The following NLK variants were observed in gnomAD, a reference collection of about 807,000 sequenced individuals.
The protein encoded by NLK is serine/threonine-protein kinase NLK.
A neutral mutation model predicts 59.0 loss-of-function variants in NLK; 11 were observed. The ratio of observed to expected loss-of-function variants is 0.19; its 90% CI spans 0.12 to 0.31. The LOEUF (loss-of-function observed/expected upper bound fraction) is 0.31, where lower values mean the gene tolerates loss of function less well. NLK is among the 10% of genes least tolerant of loss of function. The pLI, the probability that NLK is intolerant of heterozygous loss-of-function variation, is 1.00. For synonymous variants in NLK, 235 were observed against 235.9 expected, an observed-to-expected ratio of 1.00 and a Z score of 0.03; for missense variants, 410 against 661.1, an observed-to-expected ratio of 0.62 and a Z score of 4.16.
chr17:28,080,077 G>T (rs189709347), intron 1 of NLK, among the ~76,000 whole-genome samples: 1 of 152,012 alleles, frequency 6.6e-6, no homozygotes, highest in Admixed American at 6.6e-5. Flanking sequence ...GCAGGTCAGC[G>T]ACTTCAGATC....
Position 28,136,345 on chromosome 17 carries a change from AG to A in NLK, c.644+3672del, listed in dbSNP as rs1410060181. Among the ~76,000 whole-genome samples the A allele has an allele frequency of 6.6e-5, 10 of 152,186 alleles. No homozygotes were observed. The East Asian group carries it at 1.9e-3, about 29-fold the overall frequency. Reference sequence around the variant, plus strand: ...ACATGTAGAAGTATGCATAGAAAAAAGGTAAGCATTTTCCAATAGTGGTGTC... The same window carrying A: ...ACATGTAGAAGTATGCATAGAAAAAAGTAAGCATTTTCCAATAGTGGTGTC... On this transcript the variant is annotated intron_variant, in intron 3 of 10. Transcript: ENST00000407008.
At chr17:28,088,127 C>T (rs757000746) in intron 1 of NLK, among the ~76,000 whole-genome samples, 1 of 152,132 alleles carries the variant, frequency 6.6e-6, no homozygotes. Flanking sequence ...TTATTCTGCT[C>T]TCTTTTCTGT....
intron 6 of NLK, 133 bp downstream of exon 6, chr17:28,168,790 T>C (rs1005352376): frequency 1.5e-6 from 1 of 652,388 alleles, no homozygotes; most frequent in Non-Finnish European, 2.6e-6. Flanking sequence ...TCACTTAAAA[T>C]TCAGAAAGTT....
intron 3 of NLK, 42 bp from the exon 4 acceptor site, chr17:28,161,118 G>A: frequency 9.5e-7 from 1 of 1,055,472 alleles, no homozygotes; most frequent in Non-Finnish European, 1.5e-6. Flanking sequence ...GAGGGGGTAG[G>A]GGACTGAATT....
At chr17:28,075,634 GTTC>G (rs1290870036) in intron 1 of NLK, among the ~76,000 whole-genome samples, 4 of 152,174 alleles carry the variant, frequency 2.6e-5, no homozygotes, top group African/African-American at 4.8e-5. Flanking sequence ...CTTAAAAACT[GTTC>G]TTAAGTTTTC....
Position 28,122,713 on chromosome 17 carries a change from G to T in NLK, c.569G>T (p.Cys190Phe), listed in dbSNP as rs1906119250. The change falls in exon 2 of 11, where the codon TGT (cysteine) becomes TTT (phenylalanine). Residue 190 changes from cysteine (C) to phenylalanine (F), a missense_variant. Coordinates refer to ENST00000407008, the MANE Select transcript of NLK (RefSeq NM_016231.5). The part of the protein sequence containing the change: ...KRVFRELKML[C>F]FFKHDNVLSA... ...GTCTTCCGGGAATTGAAGATGTTGT[G>T]TTTTTTTAAGCATGATAATGTAAGT... The T allele has an allele frequency of 6.2e-7, 1 of 1,613,706 alleles. No individual in the cohort carries two copies. The highest frequency in any genetic ancestry group is 8.5e-7 in the Non-Finnish European group (1 of 1,179,758).
At chr17:28,043,428 G>A in intron 1 of NLK, 97 bp downstream of exon 1, 1 of 1,131,914 alleles carries the variant, frequency 8.8e-7, no homozygotes, top group Non-Finnish European at 1.3e-6. Context: ...GTTGACCAAG[G>A]TGCAGCAAGC....
intron 4 of NLK, among the ~76,000 whole-genome samples, chr17:28,161,632 A>G (rs909482022): frequency 5.3e-5 from 8 of 152,194 alleles, no homozygotes; most frequent in South Asian, 4.1e-4. Context: ...TATATCCCCT[A>G]TGGATGACGT....
chr17:28,178,675 T>C (rs1220760733), intron 7 of NLK, among the ~76,000 whole-genome samples: 8 of 152,232 alleles, frequency 5.3e-5, no homozygotes, highest in Admixed American at 4.6e-4. Flanking sequence ...TAGTCCTGTC[T>C]CCTGACAGGA....
intron 3 of NLK, among the ~76,000 whole-genome samples, chr17:28,149,794 C>G (rs186464173): frequency 5.3e-5 from 8 of 152,314 alleles, no homozygotes; most frequent in African/African-American, 1.9e-4. Context: ...AGTGGGCTGT[C>G]TTGTACACCA....
At chr17:28,046,383 AAG>A (rs1380586767) in intron 1 of NLK, among the ~76,000 whole-genome samples, 1 of 152,202 alleles carries the variant, frequency 6.6e-6, no homozygotes, top group Non-Finnish European at 1.5e-5. Flanking sequence ...ATCTCAAAGT[AAG>A]AGTTCCAGTT....
intron 3 of NLK, among the ~76,000 whole-genome samples, chr17:28,142,464 G>A (rs543783207): frequency 3.9e-5 from 6 of 152,250 alleles, no homozygotes; most frequent in African/African-American, 1.4e-4. Context: ...TTTTCTAGTT[G>A]CAAAGGCTCC....
At chr17:28,067,688 A>G (rs187257537) in intron 1 of NLK, among the ~76,000 whole-genome samples, 2 of 152,214 alleles carry the variant, frequency 1.3e-5, no homozygotes, top group Non-Finnish European at 2.9e-5. Context: ...ACATGATGCA[A>G]CTATCCTGTG....
At chr17:28,183,248 T>C (rs184738598) in intron 7 of NLK, among the ~76,000 whole-genome samples, 1 of 152,346 alleles carries the variant, frequency 6.6e-6, no homozygotes, top group East Asian at 1.9e-4. Context: ...ATACAGTTTA[T>C]GGCACTTGAG....
intron 2 of NLK, among the ~76,000 whole-genome samples, chr17:28,127,282 A>G (rs185502575): frequency 1.3e-5 from 2 of 152,350 alleles, no homozygotes; most frequent in Admixed American, 6.5e-5. Context: ...AGAGAGGGCT[A>G]GAATGAGACA....
Position 28,043,207 on chromosome 17 carries a change from C to A in NLK, c.334C>A (p.Gln112Lys). The A allele has an allele frequency of 6.2e-7, 1 of 1,614,000 alleles. No homozygotes were observed. ...APGPAAAAPA[Q>K]VQAAAAATVK... ...TGGACCAGCTGCAGCAGCCCCAGCT[C>A]AGGTACAGGCTGCCGCAGCTGCTAC... is the stretch of plus-strand genomic sequence containing the variant. Residue 112 changes from glutamine (Q) to lysine (K), a missense_variant, in exon 1 of 11, where the codon CAG becomes AAG. This residue lies in a region of NLK where 160 missense variants were observed against 171.0 expected (regional missense o/e 0.94). Transcript: ENST00000407008.
At chr17:28,081,053 C>CT (rs1309645114) in intron 1 of NLK, among the ~76,000 whole-genome samples, 1,475 of 144,282 alleles carry the variant, frequency 0.01, 19 homozygotes, top group African/African-American at 0.034. Context: ...CCACACCTGG[C>CT]TTTTTTTTTT....
chr17:28,050,982 C>T (rs111541742), intron 1 of NLK, among the ~76,000 whole-genome samples: 9 of 151,208 alleles, frequency 6.0e-5, no homozygotes, highest in East Asian at 2.0e-4. Flanking sequence ...TGTGGTGGCA[C>T]GCACCTGTAG....
At chr17:28,104,571 A>G (rs1905012620) in intron 1 of NLK, among the ~76,000 whole-genome samples, 2 of 151,850 alleles carry the variant, frequency 1.3e-5, no homozygotes, top group African/African-American at 4.8e-5. Flanking sequence ...AGTTATTTTT[A>G]TTGGATGTTG....
Sources: allele counts gnomAD v4.1 joint callset (sites outside exome capture counted in the v4.1 genomes callset), GRCh38; gene constraint gnomAD v4.1.1; regional missense constraint gnomAD v4.1.1; transcripts MANE v1.5; gene names NCBI Gene and HGNC (gene_info 2026-07-23, HGNC 2026-07-21).